Variants in SEMA4B observed in about 807,000 individuals in gnomAD.
The protein encoded by SEMA4B is semaphorin-4B.
Under a neutral mutation model 88.1 loss-of-function variants are expected in SEMA4B, and 55 were observed. That is an observed-to-expected ratio of 0.62 (90% CI 0.50 to 0.78). The LOEUF is 0.78. Among genes scored for constraint, SEMA4B ranks in the 30% least tolerant of loss-of-function variants. SEMA4B has a pLI of 0.00. For synonymous variants in SEMA4B, 525 were observed against 473.6 expected, an observed-to-expected ratio of 1.11 and a Z score of -1.41; for missense variants, 1,062 against 1,111.9, an observed-to-expected ratio of 0.96 and a Z score of 0.64.
chr15:90,221,708 C>G lies in SEMA4B; in HGVS notation c.804C>G (p.Gly268=). Residue 268 remains glycine, a synonymous_variant, in exon 7 of 14, where the codon GGC becomes GGG. Coordinates refer to ENST00000411539, the MANE Select transcript of SEMA4B (RefSeq NM_198925.4). The stretch of plus-strand genomic sequence containing the variant: ...TCTACTTTTTCTTCAGCGAGACTGG[C>G]CAGGAATTTGAGTTCTTTGAGAACA... ...DKIYFFFSET[G]QEFEFFENTI... is the part of the protein sequence containing the mutation. 6.2e-7 allele frequency: 1 copy of G among 1,613,982 alleles called. No individual in the cohort carries two copies.
upstream of SEMA4B, among the ~76,000 whole-genome samples, chr15:90,200,202 G>A (rs539715080): frequency 5.3e-5 from 8 of 152,334 alleles, no homozygotes; most frequent in South Asian, 1.4e-3. Context: ...GACCCTGAAA[G>A]TCGGGAGGAG....
At chr15:90,207,930 AT>A (rs1567049654) in intron 1 of SEMA4B, among the ~76,000 whole-genome samples, 1 of 152,148 alleles carries the variant, frequency 6.6e-6, no homozygotes, top group African/African-American at 2.4e-5. Flanking sequence ...CTGGAGATAC[AT>A]TTTGTTTGAC....
rs554752506 is a variant in SEMA4B, at chr15:90,215,547, C to T, written c.158-1892C>T. 6.0e-4 allele frequency among the ~76,000 whole-genome samples: 91 copies of T among 152,338 alleles called. 1 individual carries two copies. Among genetic ancestry groups the T allele is most frequent in the African/African-American group, 2.2e-3 (91 of 41,580 alleles). ...GTACCAAGGTCTGGGCGCAGTGGCC[C>T]ACACCTGTAATCCCAGCACTTCGGG... On this transcript the variant is annotated intron_variant, in intron 1 of 13. Coordinates refer to ENST00000411539, the MANE Select transcript of SEMA4B (RefSeq NM_198925.4).
upstream of SEMA4B, among the ~76,000 whole-genome samples, chr15:90,197,060 A>T (rs1435185866): frequency 6.6e-6 from 1 of 152,088 alleles, no homozygotes; most frequent in Admixed American, 6.6e-5. Context: ...TCACCCAAAG[A>T]ATCTTGGTTC....
chr15:90,229,038 G>C lies in SEMA4B; in HGVS notation c.*395G>C. On this transcript the variant is annotated 3_prime_UTR_variant, in exon 14 of 14. Coordinates refer to ENST00000411539, the MANE Select transcript of SEMA4B (RefSeq NM_198925.4). ...GGGGTGCTGGGGATGCATCCAAAGT[G>C]GTTGTCTGAGACAGAGTTGGAAACC... 1 of 362,622 alleles carries C rather than the reference G, an allele frequency of 2.8e-6. No individual in the cohort carries two copies. The highest frequency in any genetic ancestry group is 5.3e-6 in the Non-Finnish European group (1 of 187,168). 22.5% of individuals were successfully genotyped at this position (362,622 alleles called of 1,614,324 possible).
At chr15:90,206,555 C>T in intron 1 of SEMA4B, 1 of 487,914 alleles carries the variant, frequency 2.0e-6, no homozygotes, top group African/African-American at 2.0e-5. Flanking sequence ...TCGGCTTCAC[C>T]CGTAACCCAC....
rs1567045759 is a variant in SEMA4B, at chr15:90,201,514, C to T, written c.-65C>T. ...GGGGCGGACCGCGGGGCGGAGCTGCCGCCCGTGAGTCCGGCCGAGCCACCT... is the reference window on the plus strand; with the variant it reads ...GGGGCGGACCGCGGGGCGGAGCTGCTGCCCGTGAGTCCGGCCGAGCCACCT... On this transcript the variant is annotated 5_prime_UTR_variant, in exon 1 of 14. Transcript: ENST00000411539. 2 of 1,335,526 alleles carry T rather than the reference C, an allele frequency of 1.5e-6. No homozygotes were observed. Among genetic ancestry groups the T allele is most frequent in the East Asian group, 6.3e-5 (2 of 31,954 alleles). The allele number at this position is 1,335,526 out of a possible 1,614,324, so 82.7% of individuals were successfully genotyped here. A position where few individuals can be genotyped will look rare whatever the true frequency, so the allele number is the denominator to read the frequency against.
rs1371001349 is a variant in SEMA4B at position 90,223,801 on chromosome 15, C to T, written c.1044-37C>T. 6 of 1,608,514 alleles carry T rather than the reference C, an allele frequency of 3.7e-6. No individual in the cohort carries two copies. The African/African-American group carries it at 5.3e-5, about 14-fold the overall frequency. ...GAAGGGTGGCTGGGACTGGGGCCCCCAGGGCTCCTGGGTTAATCTGGTTAT... is the reference window on the plus strand; with the variant it reads ...GAAGGGTGGCTGGGACTGGGGCCCCTAGGGCTCCTGGGTTAATCTGGTTAT... On this transcript the variant is annotated intron_variant, in intron 8 of 13. Coordinates refer to ENST00000411539, the MANE Select transcript of SEMA4B (RefSeq NM_198925.4).
chr15:90,197,808 C>G (rs1453786598), upstream of SEMA4B, among the ~76,000 whole-genome samples: 2 of 151,788 alleles, frequency 1.3e-5, 1 homozygote, highest in Non-Finnish European at 2.9e-5. Context: ...TACAGATGAC[C>G]CCATACTGGA....
Position 90,225,339 on chromosome 15 carries a change from A to T in SEMA4B, c.1463A>T (p.Glu488Val), listed in dbSNP as rs1392219428. The change falls in exon 11 of 14, where the codon GAG becomes GTG. Residue 488 changes from glutamate (E) to valine (V), a missense_variant. By Grantham distance (121) the Glu-to-Val change is moderately radical (BLOSUM62 -2). Transcript: ENST00000411539. ...SVGPRVHIIE[E>V]LQIFSSGQPV... The stretch of plus-strand genomic sequence containing the variant: ...GGCCCCCGGGTGCACATCATTGAGG[A>T]GCTGCAGATCTTCTCATCGGGACAG... 1.9e-6 allele frequency: 3 copies of T among 1,558,110 alleles called. No individual in the cohort carries two copies. Among genetic ancestry groups the T allele is most frequent in the Non-Finnish European group, 1.7e-6 (2 of 1,151,800 alleles).
At position 90,186,120 on chromosome 15, in the gene SEMA4B, G is replaced by A. The variant is rs578244792; in HGVS notation, c.-122+1039G>A. Among the ~76,000 whole-genome samples, 35 of 151,924 alleles carry A rather than the reference G, an allele frequency of 2.3e-4. No individual in the cohort carries two copies. The East Asian group carries it at 6.1e-3, about 26-fold the overall frequency. ...AGCTAATTTTTGTATTTTTAGTAGA[G>A]ACAGGGTTTCACCATGTTGGCTAGG... is the stretch of plus-strand genomic sequence containing the variant. On this transcript the variant is annotated intron_variant, in intron 1 of 14. Transcript: ENST00000332496.
chr15:90,188,262 G>T (rs1842650368), intron 1 of SEMA4B, among the ~76,000 whole-genome samples: 1 of 152,116 alleles, frequency 6.6e-6, no homozygotes, highest in East Asian at 1.9e-4. Context: ...TGAGGCTTCA[G>T]TGAGCCATCA....
At chr15:90,209,639 G>T (rs376557940) in intron 1 of SEMA4B, among the ~76,000 whole-genome samples, 2 of 152,072 alleles carry the variant, frequency 1.3e-5, no homozygotes, top group African/African-American at 4.8e-5. Flanking sequence ...GCCATCATCC[G>T]ACAGTGTCAC....
chr15:90,196,086 ATT>A (rs1199897717), intron 1 of SEMA4B, among the ~76,000 whole-genome samples: 14 of 137,468 alleles, frequency 1.0e-4, no homozygotes, highest in African/African-American at 1.6e-4. Context: ...TGCCTGGCTA[ATT>A]TTTTTTTTTT....
intron 1 of SEMA4B, among the ~76,000 whole-genome samples, chr15:90,211,679 T>C (rs1961273408): frequency 6.6e-6 from 1 of 152,072 alleles, no homozygotes; most frequent in African/African-American, 2.4e-5. Flanking sequence ...GGGTCCAAGG[T>C]TCTGGTGACT....
upstream of SEMA4B, among the ~76,000 whole-genome samples, chr15:90,196,630 G>T (rs1211238654): frequency 6.6e-6 from 1 of 152,094 alleles, no homozygotes; most frequent in African/African-American, 2.4e-5. Flanking sequence ...GGGACTACAG[G>T]TGCGTGCCAC....
intron 4 of SEMA4B, among the ~76,000 whole-genome samples, chr15:90,220,697 T>A (rs1387067489): frequency 6.6e-6 from 1 of 152,034 alleles, no homozygotes; most frequent in Non-Finnish European, 1.5e-5. Context: ...AAGCCTCACC[T>A]CCTCCGCCAG....
chr15:90,225,945 C>T (rs1962154183), intron 12 of SEMA4B, 118 bp downstream of exon 12: 3 of 752,132 alleles, frequency 4.0e-6, no homozygotes, highest in Admixed American at 3.7e-5. Flanking sequence ...ACTGTCTCAG[C>T]ATAATTATTA....
chr15:90,217,871 G>C, intron 3 of SEMA4B, 42 bp downstream of exon 3: 1 of 1,552,934 alleles, frequency 6.4e-7, no homozygotes, highest in Admixed American at 1.8e-5. Context: ...CAGGAGGGAT[G>C]GAGGGTGGTG....
Sources: gnomAD v4.1 joint callset for allele counts (sites outside exome capture counted in the v4.1 genomes callset) on GRCh38, gnomAD v4.1.1 for gene constraint, MANE v1.5 for transcripts, NCBI Gene and HGNC (gene_info 2026-07-23, HGNC 2026-07-21) for gene names.